The following TMEM185B variants were observed in gnomAD, a reference collection of about 807,000 sequenced individuals.
The protein encoded by TMEM185B is transmembrane protein 185B.
TMEM185B carries 9 observed loss-of-function variants against 26.2 expected under a neutral mutation model. The observed-to-expected ratio is 0.34, with a 90% confidence interval of 0.21 to 0.60. The LOEUF (loss-of-function observed/expected upper bound fraction) is 0.60, where lower values mean the gene tolerates loss of function less well. Among genes scored for constraint, TMEM185B ranks in the 20% least tolerant of loss-of-function variants. The pLI, the probability that TMEM185B is intolerant of heterozygous loss-of-function variation, is 0.80. For missense variants in TMEM185B, 392 were observed against 447.9 expected (o/e 0.88, Z 1.13); for synonymous variants, 204 against 191.8 (o/e 1.06, Z -0.52).
rs554805535 is a variant in TMEM185B at position 120,217,642 on chromosome 2, G to A, written c.*4282C>T. Among the ~76,000 whole-genome samples, 2 of 152,316 alleles carry A rather than the reference G, an allele frequency of 1.3e-5. No individual in the cohort carries two copies. The highest frequency in any genetic ancestry group is 1.3e-4 in the Admixed American group (2 of 15,290). Reference sequence around the variant, plus strand: ...TCCTTAAAGCCTGGCTTAACAGAAGGCTGCTGCATCCTCATAGCTGCTTCC... The same window carrying A: ...TCCTTAAAGCCTGGCTTAACAGAAGACTGCTGCATCCTCATAGCTGCTTCC... On this transcript the variant is annotated 3_prime_UTR_variant, in exon 1 of 1. Coordinates refer to ENST00000426077, the MANE Select transcript of TMEM185B (RefSeq NM_024121.3).
rs1456700356 is a variant in TMEM185B, at chr2:120,222,843, G to T, written c.134C>A (p.Ala45Asp). 6.7e-7 allele frequency: 1 copy of T among 1,503,204 alleles called. No individual in the cohort carries two copies. 93.1% of individuals were successfully genotyped at this position (1,503,204 alleles called of 1,614,324 possible). A position where few individuals can be genotyped will look rare whatever the true frequency, so the allele number is the denominator to read the frequency against. The change falls in exon 1 of 1, where the codon GCC becomes GAC. Residue 45 changes from alanine (A) to aspartate (D), a missense_variant. By Grantham distance (126) the Ala-to-Asp change is moderately radical. Around this residue, in one of 3 missense-constraint regions of TMEM185B, gnomAD observed 175 missense variants for 169.1 expected, o/e 1.03. Coordinates refer to ENST00000426077, the MANE Select transcript of TMEM185B (RefSeq NM_024121.3). ...TAGAAGCTTCCACAGCCATATGGGG[G>T]CAAAGACGGCCCAGTAGCTCCATTG... ...IIQWSYWAVF[A>D]PIWLWKLLVV...
chr2:120,222,116 T>C lies in TMEM185B; in HGVS notation c.861A>G (p.Pro287=), dbSNP rs776467822. 1.3e-6 allele frequency: 2 copies of C among 1,562,250 alleles called. No individual in the cohort carries two copies. Among genetic ancestry groups the C allele is most frequent in the Non-Finnish European group, 1.7e-6 (2 of 1,154,060 alleles). The change falls in exon 1 of 1, where the codon CCA becomes CCG. Residue 287 remains proline, a synonymous_variant. Transcript: ENST00000426077. ...AAATGTTCCCATATTCTCTTAAAAATGGGAAAATTTCAAGCAGAAACTGAC... is the reference window on the plus strand; with the variant it reads ...AAATGTTCCCATATTCTCTTAAAAACGGGAAAATTTCAAGCAGAAACTGAC... The part of the protein sequence containing the change: ...DFCQFLLEIF[P]FLREYGNISY...
Position 120,221,132 on chromosome 2 carries a change from G to A in TMEM185B, c.*792C>T, listed in dbSNP as rs1357235782. ...TCCTCTACTAACGGGTACTACCAGA[G>A]ACCTTGGTTACTAACACCTAAATAT... On this transcript the variant is annotated 3_prime_UTR_variant, in exon 1 of 1. Coordinates refer to ENST00000426077, the MANE Select transcript of TMEM185B (RefSeq NM_024121.3). 6.6e-6 allele frequency: 1 copy of A among 152,176 alleles called. No homozygotes were observed. The highest frequency in any genetic ancestry group is 1.5e-5 in the Non-Finnish European group (1 of 68,032). 9.4% of individuals were successfully genotyped at this position (152,176 alleles called of 1,614,324 possible). A position where few individuals can be genotyped will look rare whatever the true frequency, so the allele number is the denominator to read the frequency against.
chr2:120,219,890 C>T lies in TMEM185B; in HGVS notation c.*2034G>A, dbSNP rs1688557764. 6.6e-6 allele frequency among the ~76,000 whole-genome samples: 1 copy of T among 152,240 alleles called. No homozygotes were observed. The highest frequency in any genetic ancestry group is 2.4e-5 in the African/African-American group (1 of 41,450). ...TGCATCCCCACTGCCTGGCACCATG[C>T]TTGGCTCGGGGTAGGTCTTCAAGAA... On this transcript the variant is annotated 3_prime_UTR_variant, in exon 1 of 1. Transcript: ENST00000426077.
rs577957948 is a variant in TMEM185B, at chr2:120,222,920, G to A, written c.57C>T (p.Thr19=). The A allele has an allele frequency of 5.5e-6, 8 of 1,450,028 alleles. No individual in the cohort carries two copies. Among genetic ancestry groups the A allele is most frequent in the South Asian group, 1.5e-5 (1 of 68,780 alleles). 89.8% of individuals were successfully genotyped at this position (1,450,028 alleles called of 1,614,324 possible). A position where few individuals can be genotyped will look rare whatever the true frequency, so the allele number is the denominator to read the frequency against. The change falls in exon 1 of 1, where the codon ACC becomes ACT. Residue 19 remains threonine (T), a synonymous_variant. Coordinates refer to ENST00000426077, the MANE Select transcript of TMEM185B (RefSeq NM_024121.3). ...GCAGCACCGAGAAGAGCAGCAGGCA[G>A]GTGTAGATGAGAAACTTACTGGGGT... ...DFNPSKFLIY[T]CLLLFSVLLP... is the part of the protein sequence containing the mutation.
rs1311548792 is a variant in TMEM185B at position 120,222,804 on chromosome 2, G to A, written c.173C>T (p.Ala58Val). 3 of 1,529,450 alleles carry A rather than the reference G, an allele frequency of 2.0e-6. No homozygotes were observed. In the African/African-American group the frequency reaches 4.1e-5, roughly 21 times the overall value. The allele number at this position is 1,529,450 out of a possible 1,614,324, so 94.7% of individuals were successfully genotyped here. Residue 58 changes from alanine to valine, a missense_variant, in exon 1 of 1, where the codon GCC (alanine) becomes GTC (valine). This residue lies in a region of TMEM185B where 175 missense variants were observed against 169.1 expected (regional missense o/e 1.03). Transcript: ENST00000426077. ...WLWKLLVVAG[A>V]SVGAGVWARN... ...GGCCCAAACGCCCGCGCCCACGGAG[G>A]CGCCTGCGACGACTAGAAGCTTCCA...
At position 120,222,992 on chromosome 2, in the gene TMEM185B, T is replaced by C. The variant is rs1158913466; in HGVS notation, c.-16A>G. The stretch of plus-strand genomic sequence containing the variant: ...TGGGGTTCATGGCGGAGGCCGCCGC[T>C]TGCCTGCCCGGGCCTGCTCCCTCGC... On this transcript the variant is annotated 5_prime_UTR_variant, in exon 1 of 1. Transcript: ENST00000426077. 1 of 1,410,144 alleles carries C rather than the reference T, an allele frequency of 7.1e-7. No homozygotes were observed. Among genetic ancestry groups the C allele is most frequent in the Non-Finnish European group, 9.2e-7 (1 of 1,086,088 alleles). 87.4% of individuals were successfully genotyped at this position (1,410,144 alleles called of 1,614,324 possible). A position where few individuals can be genotyped will look rare whatever the true frequency, so the allele number is the denominator to read the frequency against.
rs1277580405 is a variant in TMEM185B at position 120,218,518 on chromosome 2, A to AC, written c.*3405_*3406insG. 3.3e-5 allele frequency among the ~76,000 whole-genome samples: 5 copies of AC among 152,236 alleles called. No homozygotes were observed. The highest frequency in any genetic ancestry group is 1.2e-4 in the African/African-American group (5 of 41,472). ...ACTGAGTCAGGGCCCTGGCAGGGCC[A>AC]GGTGGGGATGGCCTCCCTCACCGTC... On this transcript the variant is annotated 3_prime_UTR_variant, in exon 1 of 1. Coordinates refer to ENST00000426077, the MANE Select transcript of TMEM185B (RefSeq NM_024121.3).
rs141798695 is a variant in TMEM185B, at chr2:120,217,770, C to T, written c.*4154G>A. On this transcript the variant is annotated 3_prime_UTR_variant, in exon 1 of 1. Transcript: ENST00000426077. Reference sequence around the variant, plus strand: ...CTCAGGGGTCCTTGGACCACACTGCCGAGGGCATGGTGTGGCAGCCGACTT... The same window carrying T: ...CTCAGGGGTCCTTGGACCACACTGCTGAGGGCATGGTGTGGCAGCCGACTT... Among the ~76,000 whole-genome samples, 52 of 152,202 alleles carry T rather than the reference C, an allele frequency of 3.4e-4. No homozygotes were observed. Among genetic ancestry groups the T allele is most frequent in the African/African-American group, 1.1e-3 (44 of 41,512 alleles).
Position 120,222,314 on chromosome 2 carries a change from G to C in TMEM185B, c.663C>G (p.Val221=). The part of the protein sequence containing the change: ...VTMAISWITI[V]VPLLTFEVLL... ...GGACCTCAAAAGTGAGCAGAGGCACGACAATCGTTATCCAACTGATAGCCA... is the reference window on the plus strand; with the variant it reads ...GGACCTCAAAAGTGAGCAGAGGCACCACAATCGTTATCCAACTGATAGCCA... Residue 221 remains valine (V), a synonymous_variant, in exon 1 of 1, where the codon GTC becomes GTG. Coordinates refer to ENST00000426077, the MANE Select transcript of TMEM185B (RefSeq NM_024121.3). 2 of 1,536,148 alleles carry C rather than the reference G, an allele frequency of 1.3e-6. No homozygotes were observed. Among genetic ancestry groups the C allele is most frequent in the Non-Finnish European group, 1.7e-6 (2 of 1,146,918 alleles).
chr2:120,223,257 C>T lies in TMEM185B; in HGVS notation c.-281G>A, dbSNP rs1044330413. 1.2e-5 allele frequency: 3 copies of T among 258,912 alleles called. No individual in the cohort carries two copies. The highest frequency in any genetic ancestry group is 2.2e-5 in the Non-Finnish European group (3 of 137,274). 16.0% of individuals were successfully genotyped at this position (258,912 alleles called of 1,614,324 possible). A position where few individuals can be genotyped will look rare whatever the true frequency, so the allele number is the denominator to read the frequency against. On this transcript the variant is annotated 5_prime_UTR_variant, in exon 1 of 1. Coordinates refer to ENST00000426077, the MANE Select transcript of TMEM185B (RefSeq NM_024121.3). The stretch of plus-strand genomic sequence containing the variant: ...ACTGGGCGCTGCCTCGGTCCCGCCG[C>T]CGCCCGCGTTCACTCCGTACCCATC...
chr2:120,222,453 AG>A lies in TMEM185B; in HGVS notation c.523del (p.Leu175CysfsTer37). The A allele has an allele frequency of 6.5e-7, 1 of 1,536,204 alleles. No homozygotes were observed. The highest frequency in any genetic ancestry group is 8.7e-7 in the Non-Finnish European group (1 of 1,146,900). ...HWPWLVVFVP[L>X]WILMSFLCLV... Reference sequence around the variant, plus strand: ...GCAAAGGAACGACATGAGGATCCACAGGGGCACAAACACCACCAGCCACGGC... The same window carrying A: ...GCAAAGGAACGACATGAGGATCCACAGGGCACAAACACCACCAGCCACGGC... On this transcript the variant is annotated frameshift_variant, in exon 1 of 1. Transcript: ENST00000426077. LOFTEE classifies it high-confidence loss of function.
rs540168749 is a variant in TMEM185B at position 120,217,529 on chromosome 2, A to G, written c.*4395T>C. Among the ~76,000 whole-genome samples, 31 of 152,224 alleles carry G rather than the reference A, an allele frequency of 2.0e-4. No individual in the cohort carries two copies. The highest frequency in any genetic ancestry group is 4.6e-4 in the Non-Finnish European group (31 of 68,044). On this transcript the variant is annotated 3_prime_UTR_variant, in exon 1 of 1. Transcript: ENST00000426077. ...CATTTGAAGACTATACATCCATTACATGTTACCTTAAAAAAATTTTTAAAC... is the reference window on the plus strand; with the variant it reads ...CATTTGAAGACTATACATCCATTACGTGTTACCTTAAAAAAATTTTTAAAC...
chr2:120,222,857 G>A lies in TMEM185B; in HGVS notation c.120C>T (p.Tyr40=). 1 of 1,487,076 alleles carries A rather than the reference G, an allele frequency of 6.7e-7. No homozygotes were observed. Among genetic ancestry groups the A allele is most frequent in the East Asian group, 2.5e-5 (1 of 40,758 alleles). 92.1% of individuals were successfully genotyped at this position (1,487,076 alleles called of 1,614,324 possible). A position where few individuals can be genotyped will look rare whatever the true frequency, so the allele number is the denominator to read the frequency against. ...GCCATATGGGGGCAAAGACGGCCCA[G>A]TAGCTCCATTGGATGATGCCGTCCA... ...LRLDGIIQWS[Y]WAVFAPIWLW... The change falls in exon 1 of 1, where the codon TAC becomes TAT. Residue 40 remains tyrosine, a synonymous_variant. Coordinates refer to ENST00000426077, the MANE Select transcript of TMEM185B (RefSeq NM_024121.3).
Position 120,219,367 on chromosome 2 carries a change from T to A in TMEM185B, c.*2557A>T, listed in dbSNP as rs987373214. On this transcript the variant is annotated 3_prime_UTR_variant, in exon 1 of 1. Coordinates refer to ENST00000426077, the MANE Select transcript of TMEM185B (RefSeq NM_024121.3). ...CTTCCTACAACCTGTCACTTCTGTT[T>A]TTACCTAATGGTCCTGACAGCGGAT... 6.6e-6 allele frequency among the ~76,000 whole-genome samples: 1 copy of A among 152,182 alleles called. No individual in the cohort carries two copies. The highest frequency in any genetic ancestry group is 2.4e-5 in the African/African-American group (1 of 41,440).
At position 120,222,473 on chromosome 2, in the gene TMEM185B, C is replaced by A; in HGVS notation, c.504G>T (p.Trp168Cys). Reference protein sequence around the residue: ...LKLDRIIHWPWLVVFVPLWIL... With the variant: ...LKLDRIIHWPCLVVFVPLWIL... ...TCCACAGGGGCACAAACACCACCAGCCACGGCCAGTGAATAATCCTGTCCA... is the reference window on the plus strand; with the variant it reads ...TCCACAGGGGCACAAACACCACCAGACACGGCCAGTGAATAATCCTGTCCA... The change falls in exon 1 of 1, where the codon TGG (tryptophan) becomes TGT (cysteine). Residue 168 changes from tryptophan to cysteine, a missense_variant. Physicochemically the swap from Trp to Cys is radical, Grantham distance 215. Coordinates refer to ENST00000426077, the MANE Select transcript of TMEM185B (RefSeq NM_024121.3). 1 of 1,536,272 alleles carries A rather than the reference C, an allele frequency of 6.5e-7. No homozygotes were observed. The highest frequency in any genetic ancestry group is 8.7e-7 in the Non-Finnish European group (1 of 1,146,940).
rs980233832 is a variant in TMEM185B, at chr2:120,221,546, G to A, written c.*378C>T. The stretch of plus-strand genomic sequence containing the variant: ...TTTTACATTTGCTATTGTTATGACA[G>A]GCACAATCTGAAATACAATTTTAGA... On this transcript the variant is annotated 3_prime_UTR_variant, in exon 1 of 1. Coordinates refer to ENST00000426077, the MANE Select transcript of TMEM185B (RefSeq NM_024121.3). The A allele has an allele frequency of 5.7e-6, 1 of 174,922 alleles. No individual in the cohort carries two copies. The highest frequency in any genetic ancestry group is 1.2e-5 in the Non-Finnish European group (1 of 83,124). The allele number at this position is 174,922 out of a possible 1,614,324, so 10.8% of individuals were successfully genotyped here.
At position 120,221,650 on chromosome 2, in the gene TMEM185B, T is replaced by C; in HGVS notation, c.*274A>G. On this transcript the variant is annotated 3_prime_UTR_variant, in exon 1 of 1. Transcript: ENST00000426077. ...ATTTAAACAAACAGCTGTGTGGTTA[T>C]TCCTTTTGAGGACCTACTAAAACAA... 2 of 464,656 alleles carry C rather than the reference T, an allele frequency of 4.3e-6. No individual in the cohort carries two copies. Among genetic ancestry groups the C allele is most frequent in the South Asian group, 3.5e-5 (1 of 28,804 alleles). The allele number at this position is 464,656 out of a possible 1,614,324, so 28.8% of individuals were successfully genotyped here.
Position 120,222,001 on chromosome 2 carries a change from CCTT to C in TMEM185B, c.973_975del (p.Lys325del). 2 of 1,539,314 alleles carry C rather than the reference CCTT, an allele frequency of 1.3e-6. No homozygotes were observed. Among genetic ancestry groups the C allele is most frequent in the Non-Finnish European group, 1.7e-6 (2 of 1,146,918 alleles). ...GGGCTCTGGGTTATAACTACTCTGG[CCTT>C]CTTTCCAAATATTGGAGCAATTTTC... On this transcript the variant is annotated inframe_deletion, in exon 1 of 1. Coordinates refer to ENST00000426077, the MANE Select transcript of TMEM185B (RefSeq NM_024121.3).
Sources: allele counts gnomAD v4.1 joint callset (sites outside exome capture counted in the v4.1 genomes callset), GRCh38; gene constraint gnomAD v4.1.1; regional missense constraint gnomAD v4.1.1; transcripts MANE v1.5; gene names NCBI Gene and HGNC (gene_info 2026-07-23, HGNC 2026-07-21).